HECTD2: variants seen among roughly 807,000 people sequenced by gnomAD.
The protein encoded by HECTD2 is HECT domain E3 ubiquitin protein ligase 2, also known as probable E3 ubiquitin-protein ligase HECTD2.
A neutral mutation model predicts 103.2 loss-of-function variants in HECTD2; 35 were observed. That is an observed-to-expected ratio of 0.34 (90% CI 0.26 to 0.45). The LOEUF (loss-of-function observed/expected upper bound fraction) is 0.45, where lower values mean the gene tolerates loss of function less well. Among genes scored for constraint, HECTD2 ranks in the 20% least tolerant of loss-of-function variants. HECTD2 has a pLI of 1.00. For missense variants in HECTD2, 596 were observed against 937.4 expected, an observed-to-expected ratio of 0.64 and a Z score of 4.76; for synonymous variants, 281 against 329.9, an observed-to-expected ratio of 0.85 and a Z score of 1.61.
At chr10:91,443,815 A>G (rs2133119953) in intron 2 of HECTD2, among the ~76,000 whole-genome samples, 1 of 152,368 alleles carries the variant, frequency 6.6e-6, no homozygotes. Context: ...CTGATGACAC[A>G]GAAGAGTTTA....
chr10:91,453,301 C>G (rs1424606214), intron 2 of HECTD2, among the ~76,000 whole-genome samples: 1 of 152,048 alleles, frequency 6.6e-6, no homozygotes, highest in African/African-American at 2.4e-5. Flanking sequence ...GCTTTTGGTG[C>G]ATGCCTGTAG....
intron 20 of HECTD2, among the ~76,000 whole-genome samples, chr10:91,506,597 A>C (rs1847189356): frequency 6.6e-6 from 1 of 152,166 alleles, no homozygotes; most frequent in Non-Finnish European, 1.5e-5. Context: ...CTCTGAATAG[A>C]CCAATAACAG....
At chr10:91,479,312 A>G (rs1282468493) in intron 6 of HECTD2, among the ~76,000 whole-genome samples, 2 of 152,186 alleles carry the variant, frequency 1.3e-5, no homozygotes, top group South Asian at 2.1e-4. Context: ...ATTTTAATGT[A>G]TGTCTTTTTA....
chr10:91,415,721 G>A (rs1843100798), intron 1 of HECTD2, among the ~76,000 whole-genome samples: 1 of 152,170 alleles, frequency 6.6e-6, no homozygotes, highest in Non-Finnish European at 1.5e-5. Flanking sequence ...TGCACCTATG[G>A]CAGTATTTCT....
Position 91,467,567 on chromosome 10 carries a change from C to A in HECTD2, c.600+5383C>A, listed in dbSNP as rs74149221. 6.0e-3 allele frequency among the ~76,000 whole-genome samples: 909 copies of A among 152,256 alleles called. 4 individuals are homozygous for A. Among genetic ancestry groups the A allele is most frequent in the African/African-American group, 0.021 (874 of 41,550 alleles). ...AAGGTACTTCCTGGGGCATAGCTCA[C>A]CAGCAGACCACTCCTGACCATCGTA... is the stretch of plus-strand genomic sequence containing the variant. On this transcript the variant is annotated intron_variant, in intron 5 of 20. Coordinates refer to ENST00000298068, the MANE Select transcript of HECTD2 (RefSeq NM_182765.6).
At chr10:91,481,016 A>G in intron 6 of HECTD2, 78 bp from the exon 7 acceptor site, 1 of 859,086 alleles carries the variant, frequency 1.2e-6, no homozygotes, top group Non-Finnish European at 1.8e-6. Context: ...CTTCATAGAA[A>G]AGTTTATTGG....
intron 8 of HECTD2, chr10:91,484,255 A>G: frequency 2.4e-6 from 2 of 825,224 alleles, no homozygotes; most frequent in Non-Finnish European, 1.8e-6. Flanking sequence ...TGAATAATGA[A>G]GACTGAATAT....
intron 1 of HECTD2, among the ~76,000 whole-genome samples, chr10:91,417,106 G>A (rs1340380522): frequency 6.6e-6 from 1 of 152,186 alleles, no homozygotes; most frequent in African/African-American, 2.4e-5. Context: ...GTGGAGATGA[G>A]AAAGCTCTGA....
rs1015762422 is a variant in HECTD2 at position 91,513,300 on chromosome 10, G to A, written c.*916G>A. 6.6e-6 allele frequency: 1 copy of A among 152,568 alleles called. No homozygotes were observed. The highest frequency in any genetic ancestry group is 1.5e-5 in the Non-Finnish European group (1 of 68,018). The allele number at this position is 152,568 out of a possible 1,614,324, so 9.5% of individuals were successfully genotyped here. ...TGCTTTTATAAATCTTTTGAATCAT[G>A]TACAAGACTTATATCTACATTTTTT... On this transcript the variant is annotated 3_prime_UTR_variant, in exon 21 of 21. Transcript: ENST00000298068.
At chr10:91,421,197 G>T (rs1239356425) in intron 1 of HECTD2, among the ~76,000 whole-genome samples, 1 of 151,842 alleles carries the variant, frequency 6.6e-6, no homozygotes, top group East Asian at 1.9e-4. Context: ...ATTCATAGTT[G>T]CCCATTTCCG....
rs747176683 is a variant in HECTD2, at chr10:91,487,653, G to T, written c.1095-29G>T. On this transcript the variant is annotated intron_variant, in intron 10 of 20. Transcript: ENST00000298068. The surrounding 1 kb of genome is among the most constrained non-coding windows in gnomAD (Gnocchi z 4.1). ...AATTTTGTTAAAAATACACCATTTTGCTTTTTCTTTTTTTCACTTGTTGAG... is the reference window on the plus strand; with the variant it reads ...AATTTTGTTAAAAATACACCATTTTTCTTTTTCTTTTTTTCACTTGTTGAG... The T allele has an allele frequency of 4.2e-6, 6 of 1,415,242 alleles. No homozygotes were observed. In the African/African-American group the frequency reaches 8.5e-5, roughly 20 times the overall value. 87.7% of individuals were successfully genotyped at this position (1,415,242 alleles called of 1,614,324 possible).
chr10:91,481,748 C>A (rs1846093129), intron 7 of HECTD2, among the ~76,000 whole-genome samples: 1 of 151,502 alleles, frequency 6.6e-6, no homozygotes, highest in East Asian at 1.9e-4. Context: ...TACATTATTA[C>A]CATAGCTAGC....
At chr10:91,465,049 A>G (rs1348668744) in intron 5 of HECTD2, among the ~76,000 whole-genome samples, 1 of 152,222 alleles carries the variant, frequency 6.6e-6, no homozygotes, top group African/African-American at 2.4e-5. Flanking sequence ...CTAAAAAAAC[A>G]CATGCAAAGA....
intron 2 of HECTD2, among the ~76,000 whole-genome samples, chr10:91,453,081 A>C (rs1844906397): frequency 1.3e-5 from 2 of 152,164 alleles, no homozygotes; most frequent in Non-Finnish European, 1.5e-5. Flanking sequence ...TATATTTGGT[A>C]GTTGAAACAA....
intron 2 of HECTD2, among the ~76,000 whole-genome samples, chr10:91,432,319 A>G (rs1168068020): frequency 2.0e-5 from 3 of 151,870 alleles, no homozygotes; most frequent in Admixed American, 1.3e-4. Flanking sequence ...TCTTCAAGTG[A>G]TATTAGGGAA....
At chr10:91,413,023 A>G (rs1455924251) in intron 1 of HECTD2, among the ~76,000 whole-genome samples, 1 of 152,112 alleles carries the variant, frequency 6.6e-6, no homozygotes, top group Non-Finnish European at 1.5e-5. Context: ...GAGACATTCC[A>G]GTGATTGTTC....
At chr10:91,471,212 C>A (rs1319814776) in intron 5 of HECTD2, among the ~76,000 whole-genome samples, 1 of 152,126 alleles carries the variant, frequency 6.6e-6, no homozygotes, top group Non-Finnish European at 1.5e-5. Context: ...CAGAACTAAA[C>A]ACAAAAACCA....
chr10:91,504,536 GATGAA>G (rs1564738839), intron 20 of HECTD2, among the ~76,000 whole-genome samples: 1 of 152,192 alleles, frequency 6.6e-6, no homozygotes, highest in Non-Finnish European at 1.5e-5. Context: ...AGCAATGGAA[GATGAA>G]ATGAATGAAA....
intron 20 of HECTD2, among the ~76,000 whole-genome samples, chr10:91,503,429 G>A (rs963496238): frequency 7.9e-5 from 12 of 152,280 alleles, no homozygotes; most frequent in East Asian, 1.9e-4. Context: ...CACACCGTGC[G>A]CGAGCCGAAG....
Sources: gnomAD v4.1 joint callset for allele counts (sites outside exome capture counted in the v4.1 genomes callset) on GRCh38, gnomAD v4.1.1 for gene constraint, Gnocchi (gnomAD v3.1) non-coding constraint, MANE v1.5 for transcripts, NCBI Gene and HGNC (gene_info 2026-07-23, HGNC 2026-07-21) for gene names.